The following SRGAP2 variants were observed in gnomAD, a reference collection of about 807,000 sequenced individuals.
SRGAP2 encodes SLIT-ROBO Rho GTPase-activating protein 2.
A neutral mutation model predicts 57.2 loss-of-function variants in SRGAP2; 15 were observed. That is an observed-to-expected ratio of 0.26 (90% confidence interval 0.18 to 0.40). SRGAP2 has a LOEUF of 0.40. SRGAP2 is among the 10% of genes least tolerant of loss of function. SRGAP2 has a pLI of 1.00. For synonymous variants in SRGAP2, 249 were observed against 248.0 expected (o/e 1.00, Z -0.04); for missense variants, 520 against 669.6 (o/e 0.78, Z 2.47).
chr1:206,324,695 C>T (rs1350133899), intron 3 of SRGAP2, among the ~76,000 whole-genome samples: 15 of 152,200 alleles, frequency 9.9e-5, no homozygotes, highest in Non-Finnish European at 1.9e-4. Context: ...TCAGAATCCT[C>T]ATTCTGGGAA....
At chr1:206,314,192 T>C (rs1672898664) in intron 3 of SRGAP2, among the ~76,000 whole-genome samples, 1 of 150,854 alleles carries the variant, frequency 6.6e-6, no homozygotes, top group Non-Finnish European at 1.5e-5. Context: ...TGGAGTGCAA[T>C]GGCACGATCT....
Position 206,273,878 on chromosome 1 carries a change from T to C in SRGAP2, c.68-29403T>C, listed in dbSNP as rs1447777334. Among the ~76,000 whole-genome samples the C allele has an allele frequency of 4.0e-5, 6 of 150,956 alleles. No individual in the cohort carries two copies. In the East Asian group the frequency reaches 1.2e-3, roughly 29 times the overall value. ...CAACGGGATATTGGGCTTGGGAGTG[T>C]AGACGTTGTGGGACCAGGAGCTTTG... On this transcript the variant is annotated intron_variant, in intron 2 of 22. Transcript: ENST00000573034.
Position 206,436,975 on chromosome 1 carries a change from T to G in SRGAP2, c.1566T>G (p.His522Gln). The part of the protein sequence containing the change: ...IRFISRHGLQ[H>Q]EGIFRVSGSQ... ...TCTGTGTATTTCCAGGACTACAGCA[T>G]GAAGGAATTTTCCGGGTGTCAGGAT... The change falls in exon 15 of 23, where the codon CAT becomes CAG. Residue 522 changes from histidine (H) to glutamine (Q), a missense_variant. Coordinates refer to ENST00000573034, the MANE Select transcript of SRGAP2 (RefSeq NM_015326.5). The G allele has an allele frequency of 1.3e-6, 1 of 780,818 alleles. No homozygotes were observed. The highest frequency in any genetic ancestry group is 2.4e-6 in the Non-Finnish European group (1 of 417,910). 48.4% of individuals were successfully genotyped at this position (780,818 alleles called of 1,614,324 possible).
At chr1:206,309,915 G>A (rs551321521) in intron 3 of SRGAP2, among the ~76,000 whole-genome samples, 1 of 151,230 alleles carries the variant, frequency 6.6e-6, no homozygotes. Flanking sequence ...GGTAGTAAAA[G>A]TTACTATGAG....
intron 3 of SRGAP2, among the ~76,000 whole-genome samples, chr1:206,307,279 C>T: frequency 6.6e-6 from 1 of 152,124 alleles, no homozygotes; most frequent in East Asian, 1.9e-4. Context: ...GATTGGTGCA[C>T]TCACAAACCT....
intron 4 of SRGAP2, among the ~76,000 whole-genome samples, chr1:206,369,494 A>G (rs1158487793): frequency 1.3e-5 from 2 of 152,194 alleles, no homozygotes; most frequent in African/African-American, 2.4e-5. Flanking sequence ...GTATTTTCAA[A>G]TCATATATCT....
intron 2 of SRGAP2, among the ~76,000 whole-genome samples, chr1:206,243,675 G>A (rs1352348964): frequency 2.0e-4 from 31 of 152,328 alleles, no homozygotes; most frequent in Middle Eastern, 6.8e-3. Context: ...AAGGGCAGAT[G>A]TAGTCTTGAG....
intron 3 of SRGAP2, among the ~76,000 whole-genome samples, chr1:206,333,792 G>C (rs1230763418): frequency 1.3e-5 from 2 of 152,250 alleles, no homozygotes; most frequent in Non-Finnish European, 2.9e-5. Flanking sequence ...GCTAAGCCTA[G>C]ACTCTGGGTC....
chr1:206,272,704 GC>G (rs1571732632), intron 2 of SRGAP2, among the ~76,000 whole-genome samples: 1 of 152,158 alleles, frequency 6.6e-6, no homozygotes, highest in East Asian at 1.9e-4. Flanking sequence ...GAGCCACTGT[GC>G]CCAGCAATTT....
At chr1:206,366,977 A>AC (rs1181034100) in intron 4 of SRGAP2, among the ~76,000 whole-genome samples, 1 of 147,210 alleles carries the variant, frequency 6.8e-6, no homozygotes, top group East Asian at 2.0e-4. Flanking sequence ...TAGCTGGGTA[A>AC]CCCCTTGGCT....
chr1:206,426,846 T>A (rs1044722413), intron 13 of SRGAP2, among the ~76,000 whole-genome samples: 30 of 152,240 alleles, frequency 2.0e-4, no homozygotes, highest in African/African-American at 7.0e-4. Flanking sequence ...TTTGAGTTCC[T>A]TATATATTCT....
intron 4 of SRGAP2, among the ~76,000 whole-genome samples, chr1:206,365,453 C>A (rs1653896660): frequency 6.6e-6 from 1 of 152,024 alleles, no homozygotes; most frequent in Non-Finnish European, 1.5e-5. Context: ...GTTACATGTC[C>A]CAGGCGGGAG....
chr1:206,430,759 G>T (rs77548209), intron 14 of SRGAP2, among the ~76,000 whole-genome samples: 1,917 of 152,312 alleles, frequency 0.013, 24 homozygotes, highest in South Asian at 0.026. Flanking sequence ...ATCTGCAGAG[G>T]CAGGCTGCTT....
chr1:206,441,471 A>T (rs1010840946), intron 17 of SRGAP2, among the ~76,000 whole-genome samples: 4 of 152,168 alleles, frequency 2.6e-5, no homozygotes, highest in Non-Finnish European at 4.4e-5. Flanking sequence ...CAGGAAAGGC[A>T]CCAAGCAAGG....
intron 2 of SRGAP2, among the ~76,000 whole-genome samples, chr1:206,231,265 TGGTAG>T (rs1294286686): frequency 6.6e-6 from 1 of 152,122 alleles, no homozygotes; most frequent in Non-Finnish European, 1.5e-5. Flanking sequence ...TCTCTTCTAC[TGGTAG>T]CTTTATCTCT....
At chr1:206,307,248 A>T (rs1571808455) in intron 3 of SRGAP2, among the ~76,000 whole-genome samples, 1 of 152,072 alleles carries the variant, frequency 6.6e-6, no homozygotes, top group African/African-American at 2.4e-5. Context: ...TCCTCACTAG[A>T]GCAGCTAGAT....
At chr1:206,239,884 A>T (rs1444287274) in intron 2 of SRGAP2, among the ~76,000 whole-genome samples, 1 of 150,388 alleles carries the variant, frequency 6.6e-6, no homozygotes, top group Non-Finnish European at 1.5e-5. Flanking sequence ...ATAGATTTTG[A>T]TAGAGGCAGT....
intron 2 of SRGAP2, chr1:206,208,349 TAAATGAATGGTCTGGTTTA>T (rs1666091241): frequency 6.6e-6 from 1 of 151,926 alleles, no homozygotes; most frequent in African/African-American, 2.4e-5. Context: ...CCAAGTGCTT[TAAATGAATGGTCTGGTTTA>T]ATCCTTACCT....
chr1:206,322,767 C>T (rs1673566219), intron 3 of SRGAP2, among the ~76,000 whole-genome samples: 1 of 143,292 alleles, frequency 7.0e-6, no homozygotes, highest in East Asian at 2.0e-4. Context: ...TAACAGAATA[C>T]CTGAGTCCAG....
Sources: gnomAD v4.1 joint callset for allele counts (sites outside exome capture counted in the v4.1 genomes callset) on GRCh38, gnomAD v4.1.1 for gene constraint, MANE v1.5 for transcripts, NCBI Gene and HGNC (gene_info 2026-07-23, HGNC 2026-07-21) for gene names.